Variants in ZNF235 observed in about 807,000 individuals in gnomAD.
ZNF235 encodes zfp-93.
A neutral mutation model predicts 29.4 loss-of-function variants in ZNF235; 25 were observed. The ratio of observed to expected loss-of-function variants is 0.85; its 90% CI spans 0.62 to 1.19. The LOEUF (loss-of-function observed/expected upper bound fraction) is 1.19, where lower values mean the gene tolerates loss of function less well. ZNF235 is among the 50% of genes most tolerant of loss of function. The pLI is 0.00. For synonymous variants in ZNF235, 300 were observed against 295.3 expected (o/e 1.02, Z -0.16); for missense variants, 788 against 885.0 (o/e 0.89, Z 1.39).
Position 44,286,407 on chromosome 19 carries a change from T to A in ZNF235, c.*811A>T, listed in dbSNP as rs1477907355. ...TCATCAGTAACTACTTTTAACACTT[T>A]CAGAGTTACAGTACAGCTTAGTGTC... is the stretch of plus-strand genomic sequence containing the variant. On this transcript the variant is annotated 3_prime_UTR_variant, in exon 5 of 5. Transcript: ENST00000291182. The A allele has an allele frequency of 6.6e-6, 1 of 152,214 alleles. No homozygotes were observed. Among genetic ancestry groups the A allele is most frequent in the Admixed American group, 6.5e-5 (1 of 15,276 alleles). 9.4% of individuals were successfully genotyped at this position (152,214 alleles called of 1,614,324 possible).
At chr19:44,296,101 T>C (rs1599889927) in intron 4 of ZNF235, among the ~76,000 whole-genome samples, 2 of 152,266 alleles carry the variant, frequency 1.3e-5, no homozygotes, top group South Asian at 2.1e-4. Context: ...ACACGAAGTA[T>C]AAATAAATAC....
At chr19:44,289,309 G>T in intron 4 of ZNF235, 113 bp from the exon 5 acceptor site, 1 of 931,056 alleles carries the variant, frequency 1.1e-6, no homozygotes, top group Non-Finnish European at 1.5e-6. Context: ...AAAACAACTA[G>T]ACTGGCTGAA....
At chr19:44,293,995 C>CA (rs1285255187) in intron 4 of ZNF235, among the ~76,000 whole-genome samples, 19 of 149,966 alleles carry the variant, frequency 1.3e-4, no homozygotes, top group Middle Eastern at 3.5e-3. Flanking sequence ...GTCTCACCTC[C>CA]AGGAACTAGA....
chr19:44,299,479 A>C (rs1265355038), intron 3 of ZNF235, 127 bp downstream of exon 3: 4 of 1,198,822 alleles, frequency 3.3e-6, no homozygotes, highest in Non-Finnish European at 2.4e-6. Context: ...GACAGAGGCC[A>C]GGGATGCCAC....
chr19:44,299,895 A>G (rs1025394356), intron 2 of ZNF235, among the ~76,000 whole-genome samples, 163 bp from the exon 3 acceptor site: 1 of 152,206 alleles, frequency 6.6e-6, no homozygotes, highest in Non-Finnish European at 1.5e-5. Flanking sequence ...TGCCCTTTAT[A>G]TAGTTAAATT....
rs780658327 is a variant in ZNF235 at position 44,288,684 on chromosome 19, G to C, written c.751C>G (p.Leu251Val). ...CGKDTLKVSP[L>V]TQRSIHTGQK... is the part of the protein sequence containing the mutation. The stretch of plus-strand genomic sequence containing the variant: ...CCTGTGTGAATACTACGCTGGGTAA[G>C]AGGTGATACCTTTAGGGTATCTTTA... The change falls in exon 5 of 5, where the codon CTT (leucine) becomes GTT (valine). Residue 251 changes from leucine (L) to valine (V), a missense_variant. Coordinates refer to ENST00000291182, the MANE Select transcript of ZNF235 (RefSeq NM_004234.4). 114 of 1,614,006 alleles carry C rather than the reference G, an allele frequency of 7.1e-5. No homozygotes were observed. Among genetic ancestry groups the C allele is most frequent in the Non-Finnish European group, 9.3e-5 (110 of 1,180,030 alleles).
chr19:44,289,749 T>C (rs1975560970), intron 4 of ZNF235: 1 of 152,270 alleles, frequency 6.6e-6, no homozygotes. Flanking sequence ...CCTATAAGAA[T>C]GGTAAATTAA....
At chr19:44,302,973 T>TAA (rs1568647600) in intron 2 of ZNF235, among the ~76,000 whole-genome samples, 4 of 105,914 alleles carry the variant, frequency 3.8e-5, no homozygotes, top group Non-Finnish European at 6.8e-5. Context: ...TACGTATATA[T>TAA]GTATATATTT....
chr19:44,301,197 C>G (rs960757309), intron 2 of ZNF235, among the ~76,000 whole-genome samples: 1 of 152,150 alleles, frequency 6.6e-6, no homozygotes, highest in Non-Finnish European at 1.5e-5. Flanking sequence ...TACCCCGCAC[C>G]TGTTTCCTAC....
chr19:44,289,878 T>C (rs1975562857), intron 4 of ZNF235: 1 of 152,182 alleles, frequency 6.6e-6, no homozygotes, highest in Non-Finnish European at 1.5e-5. Context: ...AGAAACATGC[T>C]CAAAATAACT....
At position 44,299,809 on chromosome 19, in the gene ZNF235, T is replaced by C. The variant is rs2123104838; in HGVS notation, c.16-77A>G. The C allele has an allele frequency of 1.9e-6, 3 of 1,607,172 alleles. No homozygotes were observed. In the South Asian group the frequency reaches 3.3e-5, roughly 18 times the overall value. On this transcript the variant is annotated intron_variant, in intron 2 of 4. Coordinates refer to ENST00000291182, the MANE Select transcript of ZNF235 (RefSeq NM_004234.4). ...ACCTAAGCAACTCTTTCTGTAGAGTTACTATTCTTCCCCTTCCACAATCAC... is the reference window on the plus strand; with the variant it reads ...ACCTAAGCAACTCTTTCTGTAGAGTCACTATTCTTCCCCTTCCACAATCAC...
chr19:44,304,898 AC>A lies in ZNF235; in HGVS notation c.-49+72del, dbSNP rs1437126808. 3.0e-6 allele frequency: 3 copies of A among 985,400 alleles called. No homozygotes were observed. The African/African-American group carries it at 5.2e-5, about 17-fold the overall frequency. The allele number at this position is 985,400 out of a possible 1,614,324, so 61.0% of individuals were successfully genotyped here. On this transcript the variant is annotated intron_variant, in intron 1 of 4. Transcript: ENST00000291182. ...GCGGCTTCTCTTCCCCAAGCCAAGG[AC>A]GGGTTCATTGCTGGCCCCACGCCTA... is the stretch of plus-strand genomic sequence containing the variant.
intron 2 of ZNF235, among the ~76,000 whole-genome samples, chr19:44,301,719 A>G (rs1447748295): frequency 6.6e-6 from 1 of 152,058 alleles, no homozygotes; most frequent in Non-Finnish European, 1.5e-5. Context: ...GATCCACCTC[A>G]GCCCCAAAGT....
In ZNF235 at chr19:44,287,598, G is replaced by C; in HGVS notation, c.1837C>G (p.His613Asp). Residue 613 changes from histidine to aspartate, a missense_variant, in exon 5 of 5, where the codon CAC becomes GAC. By Grantham distance (81) the His-to-Asp change is moderately conservative. Transcript: ENST00000291182. ...TGGACTCTCTGATGGGCTTGAAGGTGTGAGGCCTGACTGAATCGCTTCTGA... is the reference window on the plus strand; with the variant it reads ...TGGACTCTCTGATGGGCTTGAAGGTCTGAGGCCTGACTGAATCGCTTCTGA... ...ACQKRFSQAS[H>D]LQAHQRVHTG... The C allele has an allele frequency of 6.2e-7, 1 of 1,611,088 alleles. No homozygotes were observed. Among genetic ancestry groups the C allele is most frequent in the Non-Finnish European group, 8.5e-7 (1 of 1,179,034 alleles).
At chr19:44,292,816 G>A (rs1381948276) in intron 4 of ZNF235, among the ~76,000 whole-genome samples, 1 of 151,824 alleles carries the variant, frequency 6.6e-6, no homozygotes, top group East Asian at 1.9e-4. Context: ...TTTATATGAA[G>A]GATAAAATCC....
rs1297769867 is a variant in ZNF235 at position 44,287,405 on chromosome 19, T to C, written c.2030A>G (p.His677Arg). 1 of 1,614,004 alleles carries C rather than the reference T, an allele frequency of 6.2e-7. No individual in the cohort carries two copies. The highest frequency in any genetic ancestry group is 1.3e-5 in the African/African-American group (1 of 74,914). Reference sequence around the variant, plus strand: ...ACACGTATAGGGTTTCTCTCCTGTGTGGACCCTCTGATGGGCACTGAGACC... The same window carrying C: ...ACACGTATAGGGTTTCTCTCCTGTGCGGACCCTCTGATGGGCACTGAGACC... The part of the protein sequence containing the change: ...SAGLSAHQRV[H>R]TGEKPYTCQQ... Residue 677 changes from histidine (H) to arginine (R), a missense_variant, in exon 5 of 5, where the codon CAC becomes CGC. Physicochemically the swap from His to Arg is conservative, Grantham distance 29. Coordinates refer to ENST00000291182, the MANE Select transcript of ZNF235 (RefSeq NM_004234.4).
chr19:44,301,193 G>C (rs193010862), intron 2 of ZNF235, among the ~76,000 whole-genome samples: 71 of 152,022 alleles, frequency 4.7e-4, no homozygotes, highest in African/African-American at 1.7e-3. Flanking sequence ...TTCCTACCCC[G>C]CACCTGTTTC....
rs2125579 is a variant in ZNF235, at chr19:44,288,548, T to C, written c.887A>G (p.His296Arg). ...LGKKSPACST[H>R]EKDTSYSSGI... ...TGAGCTATAACTGGTGTCCTTCTCA[T>C]GTGTACTACACGCTGGAGACTTCTT... Residue 296 changes from histidine (H) to arginine (R), a missense_variant, in exon 5 of 5, where the codon CAT (histidine) becomes CGT (arginine). Transcript: ENST00000291182. 37 of 1,613,830 alleles carry C rather than the reference T, an allele frequency of 2.3e-5. No individual in the cohort carries two copies. The Middle Eastern group carries it at 6.6e-4, about 29-fold the overall frequency.
rs746196906 is a variant in ZNF235, at chr19:44,287,383, C to T, written c.2052G>A (p.Thr684=). The change falls in exon 5 of 5, where the codon ACG becomes ACA. Residue 684 remains threonine (T), a synonymous_variant. Coordinates refer to ENST00000291182, the MANE Select transcript of ZNF235 (RefSeq NM_004234.4). The part of the protein sequence containing the change: ...QRVHTGEKPY[T]CQQCGKGFSQ... The stretch of plus-strand genomic sequence containing the variant: ...TGAAGCCCTTCCCACACTGCTGACA[C>T]GTATAGGGTTTCTCTCCTGTGTGGA... The T allele has an allele frequency of 3.7e-6, 6 of 1,612,080 alleles. No homozygotes were observed. Among genetic ancestry groups the T allele is most frequent in the Admixed American group, 1.7e-5 (1 of 59,590 alleles).
Sources: gnomAD v4.1 joint callset for allele counts (sites outside exome capture counted in the v4.1 genomes callset) on GRCh38, gnomAD v4.1.1 for gene constraint, MANE v1.5 for transcripts, NCBI Gene and HGNC (gene_info 2026-07-23, HGNC 2026-07-21) for gene names.